The following HDAC9 variants were observed in gnomAD, a reference collection of about 807,000 sequenced individuals.
The protein encoded by HDAC9 is histone deacetylase 9, also known as MEF-2 interacting transcription repressor (MITR) protein.
HDAC9 carries 41 observed loss-of-function variants against 139.4 expected under a neutral mutation model. That is an observed-to-expected ratio of 0.29 (90% CI 0.23 to 0.38). The LOEUF is 0.38. HDAC9 is among the 10% of genes least tolerant of loss of function. The probability of loss-of-function intolerance (pLI) is 1.00; values close to 1 mark genes in which losing one functional copy is unlikely to be tolerated. For synonymous variants in HDAC9, 517 were observed against 476.2 expected (o/e 1.09, Z -1.12); for missense variants, 1,147 against 1,297.0 (o/e 0.88, Z 1.78).
intron 12 of HDAC9, among the ~76,000 whole-genome samples, chr7:18,685,446 C>G (rs1782201641): frequency 1.3e-5 from 2 of 151,962 alleles, no homozygotes; most frequent in African/African-American, 4.8e-5. Flanking sequence ...AGTGTTAATC[C>G]TGATCTTCAT....
At chr7:18,232,378 T>A (rs895616410) in intron 2 of HDAC9, among the ~76,000 whole-genome samples, 3 of 152,204 alleles carry the variant, frequency 2.0e-5, no homozygotes, top group Non-Finnish European at 4.4e-5. Flanking sequence ...CTTCCTGAGA[T>A]GTGCCCTTTA....
chr7:18,159,748 A>G (rs1324282337), intron 1 of HDAC9, among the ~76,000 whole-genome samples: 1 of 152,194 alleles, frequency 6.6e-6, no homozygotes, highest in Non-Finnish European at 1.5e-5. Context: ...AATGCAATAA[A>G]TGGAAACTAG....
chr7:18,908,831 A>G (rs1381756423), intron 22 of HDAC9, among the ~76,000 whole-genome samples: 1 of 152,042 alleles, frequency 6.6e-6, no homozygotes, highest in East Asian at 1.9e-4. Context: ...GGTTGATTCC[A>G]TATCTTGGCT....
At chr7:18,654,213 A>C (rs1790315717) in intron 11 of HDAC9, among the ~76,000 whole-genome samples, 1 of 152,132 alleles carries the variant, frequency 6.6e-6, no homozygotes, top group Non-Finnish European at 1.5e-5. Context: ...AATTCTATCC[A>C]TGGCTTACTT....
intron 2 of HDAC9, among the ~76,000 whole-genome samples, chr7:18,244,020 C>T (rs1317217676): frequency 6.6e-6 from 1 of 152,100 alleles, no homozygotes; most frequent in Non-Finnish European, 1.5e-5. Context: ...TGAGTTTATC[C>T]CATGGAGGGG....
intron 2 of HDAC9, among the ~76,000 whole-genome samples, chr7:18,191,222 CA>C (rs1790331281): frequency 6.6e-6 from 1 of 152,112 alleles, no homozygotes; most frequent in African/African-American, 2.4e-5. Context: ...GTAAGCTATA[CA>C]AAAAAATTAA....
chr7:18,827,616 G>T (rs1795551061), intron 17 of HDAC9, among the ~76,000 whole-genome samples: 1 of 152,158 alleles, frequency 6.6e-6, no homozygotes, highest in Non-Finnish European at 1.5e-5. Flanking sequence ...AATAGCTACT[G>T]GTTACTGGGT....
intron 12 of HDAC9, among the ~76,000 whole-genome samples, chr7:18,687,549 C>T (rs999184626): frequency 1.3e-5 from 2 of 151,698 alleles, no homozygotes; most frequent in African/African-American, 2.4e-5. Context: ...TTTTATTTTT[C>T]ACATCTCCGG....
At chr7:18,943,157 T>C (rs1049508712) in intron 23 of HDAC9, among the ~76,000 whole-genome samples, 3 of 152,094 alleles carry the variant, frequency 2.0e-5, no homozygotes, top group Admixed American at 2.0e-4. Context: ...TAACAATTGA[T>C]ATCCAGACTA....
chr7:18,261,060 T>C (rs987274051), intron 2 of HDAC9, among the ~76,000 whole-genome samples: 2 of 152,038 alleles, frequency 1.3e-5, no homozygotes, highest in Non-Finnish European at 2.9e-5. Flanking sequence ...CCCAACTCTC[T>C]GGGAGGCCGA....
intron 24 of HDAC9, among the ~76,000 whole-genome samples, chr7:18,957,258 A>T (rs190276126): frequency 1.3e-5 from 2 of 152,242 alleles, no homozygotes; most frequent in East Asian, 3.9e-4. Context: ...GGTTATAACT[A>T]TGTGTCTTAG....
At chr7:18,486,471 CT>C (rs1795986129) in intron 1 of HDAC9, among the ~76,000 whole-genome samples, 1 of 152,010 alleles carries the variant, frequency 6.6e-6, no homozygotes, top group South Asian at 2.1e-4. Flanking sequence ...TAAGGTGGAA[CT>C]TCTTTTTATT....
chr7:18,395,246 CT>C (rs1786911262), intron 1 of HDAC9: 1 of 152,012 alleles, frequency 6.6e-6, no homozygotes, highest in South Asian at 2.1e-4. Context: ...ATAGTTTAAC[CT>C]TAAAATAGGG....
intron 21 of HDAC9, among the ~76,000 whole-genome samples, chr7:18,871,627 C>T (rs1274939332): frequency 6.6e-6 from 1 of 152,124 alleles, no homozygotes; most frequent in Non-Finnish European, 1.5e-5. Flanking sequence ...CCCAATTTTT[C>T]AGATAAAATT....
intron 2 of HDAC9, among the ~76,000 whole-genome samples, chr7:18,540,297 TG>T (rs1478728524): frequency 6.7e-6 from 1 of 148,532 alleles, no homozygotes; most frequent in East Asian, 2.0e-4. Flanking sequence ...AAAAAAAGGT[TG>T]GGTGGGAAAG....
intron 18 of HDAC9, 87 bp downstream of exon 18, chr7:18,829,303 G>C (rs986750159): frequency 4.1e-6 from 5 of 1,212,334 alleles, no homozygotes; most frequent in Non-Finnish European, 6.1e-6. Flanking sequence ...GCCTCTAATT[G>C]TTAGCAGATG....
chr7:18,515,176 C>G (rs1208304239), intron 2 of HDAC9, among the ~76,000 whole-genome samples: 1 of 152,070 alleles, frequency 6.6e-6, no homozygotes, highest in Non-Finnish European at 1.5e-5. Context: ...TTAAATGATG[C>G]CAAAGCTACA....
At chr7:18,325,463 T>A (rs906184750) in intron 1 of HDAC9, 2 of 152,062 alleles carry the variant, frequency 1.3e-5, no homozygotes, top group African/African-American at 4.8e-5. Flanking sequence ...GTCACCACAA[T>A]GTAATTATTA....
chr7:18,754,667 A>G (rs899640693), intron 14 of HDAC9, among the ~76,000 whole-genome samples: 3 of 152,132 alleles, frequency 2.0e-5, no homozygotes, highest in Admixed American at 2.0e-4. Context: ...GCCAACACAA[A>G]GTAATTACAA....
Sources: gnomAD v4.1 joint callset for allele counts (sites outside exome capture counted in the v4.1 genomes callset) on GRCh38, gnomAD v4.1.1 for gene constraint, MANE v1.5 for transcripts, NCBI Gene and HGNC (gene_info 2026-07-23, HGNC 2026-07-21) for gene names.